Variants in PCDHGA3 observed in about 807,000 individuals in gnomAD.
PCDHGA3 encodes protocadherin gamma-A3.
A neutral mutation model predicts 58.5 loss-of-function variants in PCDHGA3; 40 were observed. The observed-to-expected ratio is 0.68, with a 90% CI of 0.53 to 0.89. The LOEUF is 0.89. Among genes scored for constraint, PCDHGA3 ranks in the 40% least tolerant of loss-of-function variants. The pLI, the probability that PCDHGA3 is intolerant of heterozygous loss-of-function variation, is 0.00. For synonymous variants in PCDHGA3, 530 were observed against 525.7 expected (o/e 1.01, Z -0.11); for missense variants, 1,223 against 1,195.9 (o/e 1.02, Z -0.33).
chr5:141,446,771 A>G (rs1008985621), intron 1 of PCDHGA3, among the ~76,000 whole-genome samples: 3 of 152,158 alleles, frequency 2.0e-5, no homozygotes, highest in Admixed American at 2.0e-4. Flanking sequence ...CCAGCCGGTT[A>G]CCATTCTTTT....
intron 2 of PCDHGA3, among the ~76,000 whole-genome samples, chr5:141,501,761 G>C (rs906778888): frequency 2.6e-5 from 4 of 152,090 alleles, no homozygotes; most frequent in African/African-American, 4.8e-5. Flanking sequence ...CTCAGTAAAT[G>C]GTTAAAAAAG....
intron 1 of PCDHGA3, chr5:141,478,686 GA>G (rs2099472024): frequency 6.4e-7 from 1 of 1,551,134 alleles, no homozygotes; most frequent in South Asian, 1.2e-5. Context: ...GCCCTTCCTA[GA>G]TCAAAGTTAG....
intron 1 of PCDHGA3, chr5:141,478,873 T>C: frequency 7.8e-7 from 1 of 1,274,424 alleles, no homozygotes; most frequent in African/African-American, 1.5e-5. Context: ...GATCAGAGTT[T>C]AGCTTGGTAT....
At chr5:141,371,362 A>T in intron 1 of PCDHGA3, 3 of 1,614,014 alleles carry the variant, frequency 1.9e-6, no homozygotes, top group Non-Finnish European at 2.5e-6. Flanking sequence ...GAAGCAAAGG[A>T]TGGTGGACAT....
intron 1 of PCDHGA3, among the ~76,000 whole-genome samples, chr5:141,400,876 T>G (rs1304937244): frequency 6.6e-6 from 1 of 152,230 alleles, no homozygotes; most frequent in East Asian, 1.9e-4. Flanking sequence ...ACCATTAAAT[T>G]TAATGTATGT....
At chr5:141,406,072 CTTT>C (rs530474569) in intron 1 of PCDHGA3, among the ~76,000 whole-genome samples, 2 of 141,478 alleles carry the variant, frequency 1.4e-5, no homozygotes. Context: ...ATTCTTACTC[CTTT>C]TTTTTTTTTT....
chr5:141,430,913 C>A (rs1485488693), intron 1 of PCDHGA3: 1 of 1,607,720 alleles, frequency 6.2e-7, no homozygotes, highest in East Asian at 2.2e-5. Context: ...CTCCAGGGAC[C>A]TGGGGCTGGA....
intron 1 of PCDHGA3, chr5:141,389,160 G>T (rs759399243): frequency 1.2e-6 from 2 of 1,613,996 alleles, no homozygotes; most frequent in Admixed American, 3.3e-5. Flanking sequence ...AACAGATCGG[G>T]GCAAGCCTCC....
Position 141,490,177 on chromosome 5 carries a change from T to C in PCDHGA3, c.2425-4630T>C, listed in dbSNP as rs780298274. 12 of 1,613,622 alleles carry C rather than the reference T, an allele frequency of 7.4e-6. No individual in the cohort carries two copies. The highest frequency in any genetic ancestry group is 1.0e-5 in the Non-Finnish European group (12 of 1,179,932). On this transcript the variant is annotated intron_variant, in intron 1 of 3. Transcript: ENST00000253812. This position sits in a 1 kb window ranked among gnomAD's most constrained non-coding sequence, Gnocchi z 5.4. The stretch of plus-strand genomic sequence containing the variant: ...GTTGGGTCCCATAGACTTTGAGGAG[T>C]CACGTTTCTATGAAATTCATGCAAG...
At chr5:141,475,543 G>A (rs1161883598) in intron 1 of PCDHGA3, among the ~76,000 whole-genome samples, 1 of 152,196 alleles carries the variant, frequency 6.6e-6, no homozygotes, top group African/African-American at 2.4e-5. Flanking sequence ...TACAAGTAGG[G>A]TCCGGCTAAT....
chr5:141,371,538 A>G, intron 1 of PCDHGA3: 1 of 1,613,804 alleles, frequency 6.2e-7, no homozygotes, highest in Non-Finnish European at 8.5e-7. Context: ...TAATGGAGAA[A>G]TCCTATGCCA....
intron 1 of PCDHGA3, chr5:141,393,474 C>T (rs773609499): frequency 6.2e-7 from 1 of 1,613,926 alleles, no homozygotes; most frequent in African/African-American, 1.3e-5. Context: ...CGGCAAGCCG[C>T]CTCGCTCTAG....
chr5:141,423,929 G>C, intron 1 of PCDHGA3: 1 of 1,236,074 alleles, frequency 8.1e-7, no homozygotes, highest in East Asian at 3.5e-5. Flanking sequence ...TGCTGGTTTG[G>C]TTTGAAGTAA....
In PCDHGA3 at chr5:141,489,327, G is replaced by A; in HGVS notation, c.2425-5480G>A. The A allele has an allele frequency of 6.2e-7, 1 of 1,603,940 alleles. No individual in the cohort carries two copies. Among genetic ancestry groups the A allele is most frequent in the South Asian group, 1.1e-5 (1 of 89,400 alleles). ...TGTGCTGCTGGGGCTGGGTGTCTGG[G>A]CAGCTTCGTTACTCAGTGGTGGAGG... is the stretch of plus-strand genomic sequence containing the variant. On this transcript the variant is annotated intron_variant, in intron 1 of 3. Transcript: ENST00000253812. This position sits in a 1 kb window ranked among gnomAD's most constrained non-coding sequence, Gnocchi z 4.5.
intron 1 of PCDHGA3, chr5:141,372,461 G>C (rs749088592): frequency 2.5e-6 from 4 of 1,613,922 alleles, no homozygotes; most frequent in Non-Finnish European, 2.5e-6. Context: ...CGGAGCTACA[G>C]TTTCACCTAG....
At position 141,409,239 on chromosome 5, in the gene PCDHGA3, A is replaced by C. The variant is rs1330242516; in HGVS notation, c.2424+62782A>C. The C allele has an allele frequency of 5.0e-6, 8 of 1,613,920 alleles. No individual in the cohort carries two copies. In the Admixed American group the frequency reaches 1.3e-4, roughly 27 times the overall value. On this transcript the variant is annotated intron_variant, in intron 1 of 3. Transcript: ENST00000253812. ...CTTGATGAAAACGACAACAGCCCAG[A>C]AATAATCATCACTTCTCTCTCTGAT... is the stretch of plus-strand genomic sequence containing the variant.
chr5:141,417,751 C>T, intron 1 of PCDHGA3: 1 of 1,427,514 alleles, frequency 7.0e-7, no homozygotes, highest in Non-Finnish European at 9.2e-7. Flanking sequence ...AGATTGCCAG[C>T]TCCGAGACCC....
In PCDHGA3 at chr5:141,361,408, A is replaced by C. The variant is rs1561523474; in HGVS notation, c.2424+14951A>C. ...AGAATACAATCTCACCATCACAGCC[A>C]CCGACGGGGGCAAGCCGCCCCTCTC... On this transcript the variant is annotated intron_variant, in intron 1 of 3. Coordinates refer to ENST00000253812, the MANE Select transcript of PCDHGA3 (RefSeq NM_018916.4). The C allele has an allele frequency of 3.1e-6, 5 of 1,614,054 alleles. No homozygotes were observed. In the South Asian group the frequency reaches 5.5e-5, roughly 18 times the overall value.
chr5:141,395,343 G>T (rs903122712), intron 1 of PCDHGA3: 1 of 1,396,676 alleles, frequency 7.2e-7, no homozygotes, highest in Non-Finnish European at 9.5e-7. Flanking sequence ...TTTTTAAGGT[G>T]TATCACAGAG....
Sources: allele counts gnomAD v4.1 joint callset (sites outside exome capture counted in the v4.1 genomes callset), GRCh38; gene constraint gnomAD v4.1.1; non-coding constraint Gnocchi (gnomAD v3.1); transcripts MANE v1.5; gene names NCBI Gene and HGNC (gene_info 2026-07-23, HGNC 2026-07-21).